PMS1: variants seen among roughly 807,000 people sequenced by gnomAD.
The protein encoded by PMS1 is PMS1 homolog 1, mismatch repair system component, also known as PMS1 protein homolog 1.
A neutral mutation model predicts 93.1 loss-of-function variants in PMS1; 79 were observed. That is an observed-to-expected ratio of 0.85 (90% CI 0.71 to 1.02). PMS1 has a LOEUF of 1.02. Among genes scored for constraint, PMS1 ranks in the 50% least tolerant of loss-of-function variants. The pLI, the probability that PMS1 is intolerant of heterozygous loss-of-function variation, is 0.00. For missense variants in PMS1, 1,064 were observed against 1,085.3 expected, an observed-to-expected ratio of 0.98 and a Z score of 0.28; for synonymous variants, 335 against 363.4, an observed-to-expected ratio of 0.92 and a Z score of 0.89.
intron 2 of PMS1, among the ~76,000 whole-genome samples, chr2:189,793,569 ATAAT>A (rs2049082874): frequency 6.6e-6 from 1 of 152,158 alleles, no homozygotes; most frequent in Non-Finnish European, 1.5e-5. Flanking sequence ...ATAATTGATA[ATAAT>A]TAAACAGGAT....
intron 9 of PMS1, 139 bp downstream of exon 9, chr2:189,855,267 CT>C (rs1559308899): frequency 1.6e-5 from 11 of 679,170 alleles, no homozygotes; most frequent in South Asian, 3.8e-5. Flanking sequence ...GATAGAGTAC[CT>C]TTTTTGGTAA....
At chr2:189,853,735 T>C (rs896553727) in intron 7 of PMS1, among the ~76,000 whole-genome samples, 2 of 152,028 alleles carry the variant, frequency 1.3e-5, no homozygotes, top group East Asian at 1.9e-4. Context: ...CAGGCTGGTC[T>C]TGAACTCCTG....
At chr2:189,862,388 A>T (rs1013636450) in intron 9 of PMS1, among the ~76,000 whole-genome samples, 14 of 152,096 alleles carry the variant, frequency 9.2e-5, no homozygotes, top group Non-Finnish European at 1.9e-4. Context: ...CATTATGATA[A>T]TCTTTTAAGA....
intron 5 of PMS1, among the ~76,000 whole-genome samples, chr2:189,833,070 C>T (rs561909849): frequency 9.2e-5 from 14 of 152,214 alleles, no homozygotes; most frequent in African/African-American, 3.1e-4. Flanking sequence ...CTAAAAGGTA[C>T]GTTTTTAAAA....
chr2:189,868,953 C>T (rs1242815211), intron 11 of PMS1, among the ~76,000 whole-genome samples: 2 of 152,124 alleles, frequency 1.3e-5, no homozygotes, highest in African/African-American at 4.8e-5. Context: ...TTGAAAACAA[C>T]TAATAATTAT....
At chr2:189,863,638 T>C (rs1226720100) in intron 9 of PMS1, 105 bp from the exon 10 acceptor site, 1 of 823,018 alleles carries the variant, frequency 1.2e-6, no homozygotes, top group Non-Finnish European at 2.0e-6. Context: ...CCTTTGTCAT[T>C]ACTATATCTG....
chr2:189,865,418 T>C (rs1244263647), intron 10 of PMS1, among the ~76,000 whole-genome samples: 1 of 152,202 alleles, frequency 6.6e-6, no homozygotes, highest in African/African-American at 2.4e-5. Context: ...ATTTAGATTC[T>C]ATTTTCTGAT....
At chr2:189,854,134 T>G (rs189617047) in intron 8 of PMS1, 52 bp downstream of exon 8, 2 of 1,393,350 alleles carry the variant, frequency 1.4e-6, no homozygotes, top group East Asian at 4.9e-5. Flanking sequence ...CATATATTAC[T>G]GTTTTCATAT....
intron 4 of PMS1, 120 bp from the exon 5 acceptor site, chr2:189,817,897 C>A: frequency 1.3e-6 from 1 of 760,952 alleles, no homozygotes; most frequent in Non-Finnish European, 2.3e-6. Context: ...CTTTGGGTTT[C>A]TAGAATTGGA....
rs775854930 is a variant in PMS1 at position 189,863,942 on chromosome 2, A to G, written c.2056A>G (p.Ile686Val). 4 of 1,611,300 alleles carry G rather than the reference A, an allele frequency of 2.5e-6. No individual in the cohort carries two copies. Among genetic ancestry groups the G allele is most frequent in the Non-Finnish European group, 2.5e-6 (3 of 1,178,396 alleles). Residue 686 changes from isoleucine to valine, a missense_variant, in exon 10 of 13, where the codon ATT (isoleucine) becomes GTT (valine). Coordinates refer to ENST00000441310, the MANE Select transcript of PMS1 (RefSeq NM_000534.5). ...ACTTGATGAACTCCTTCAGTCCCAA[A>G]TTGAAAAAAGAAGGAGTCAAAATAT... ...PKLDELLQSQ[I>V]EKRRSQNIKM...
intron 2 of PMS1, among the ~76,000 whole-genome samples, chr2:189,795,067 T>C (rs2049220939): frequency 6.6e-6 from 1 of 152,202 alleles, no homozygotes; most frequent in Non-Finnish European, 1.5e-5. Context: ...CACTGTACTG[T>C]ATGTAGCCTG....
Position 189,798,202 on chromosome 2 carries a change from C to T in PMS1, c.315+2251C>T, listed in dbSNP as rs1359044857. On this transcript the variant is annotated intron_variant, in intron 3 of 12. Transcript: ENST00000441310. The stretch of plus-strand genomic sequence containing the variant: ...TTCTACTGAATGCATATCACTTCCG[C>T]GCCACTGTAAAGTCGAAAAATCCTA... Among the ~76,000 whole-genome samples, 4 of 152,270 alleles carry T rather than the reference C, an allele frequency of 2.6e-5. 1 individual carries two copies. In the South Asian group the frequency reaches 6.2e-4, roughly 24 times the overall value.
At chr2:189,787,420 A>C (rs1364189698) in intron 1 of PMS1, among the ~76,000 whole-genome samples, 1 of 152,226 alleles carries the variant, frequency 6.6e-6, no homozygotes, top group Non-Finnish European at 1.5e-5. Flanking sequence ...TACATTCAAA[A>C]GTTGTACAGC....
intron 9 of PMS1, chr2:189,857,555 A>T: frequency 2.4e-6 from 1 of 419,208 alleles, no homozygotes; most frequent in Non-Finnish European, 4.9e-6. Flanking sequence ...CCTTCAGTCC[A>T]TCCTTTTCTT....
chr2:189,849,230 C>T (rs1165360828), intron 6 of PMS1, among the ~76,000 whole-genome samples: 1 of 152,100 alleles, frequency 6.6e-6, no homozygotes, highest in Non-Finnish European at 1.5e-5. Context: ...CTTGATGGAG[C>T]TCCTGAAGTT....
chr2:189,843,927 T>G, intron 5 of PMS1, 37 bp from the exon 6 acceptor site: 1 of 1,548,978 alleles, frequency 6.5e-7, no homozygotes, highest in Non-Finnish European at 8.9e-7. Context: ...TAAATCTAAA[T>G]TGTATTAAAA....
intron 1 of PMS1, among the ~76,000 whole-genome samples, chr2:189,787,519 A>C (rs1475935564): frequency 6.6e-6 from 1 of 152,220 alleles, no homozygotes; most frequent in African/African-American, 2.4e-5. Context: ...GTTATCTTAC[A>C]TTGATTATAG....
At chr2:189,849,197 A>G (rs550472015) in intron 6 of PMS1, among the ~76,000 whole-genome samples, 133 of 152,084 alleles carry the variant, frequency 8.7e-4, no homozygotes, top group African/African-American at 3.0e-3. Flanking sequence ...TTTGTGAGGC[A>G]TTTCCCATCG....
At chr2:189,871,003 A>C (rs1035993312) in intron 11 of PMS1, among the ~76,000 whole-genome samples, 1 of 152,200 alleles carries the variant, frequency 6.6e-6, no homozygotes, top group Admixed American at 6.5e-5. Flanking sequence ...TATTTGGCTC[A>C]TGGTTCTGCA....
Sources: gnomAD v4.1 joint callset for allele counts (sites outside exome capture counted in the v4.1 genomes callset) on GRCh38, gnomAD v4.1.1 for gene constraint, MANE v1.5 for transcripts, NCBI Gene and HGNC (gene_info 2026-07-23, HGNC 2026-07-21) for gene names.